MACROD2: variants seen among roughly 807,000 people sequenced by gnomAD.
MACROD2 encodes the protein ADP-ribose glycohydrolase MACROD2.
MACROD2 carries 36 observed loss-of-function variants against 70.4 expected under a neutral mutation model. The observed-to-expected ratio is 0.51, with a 90% CI of 0.39 to 0.68. The LOEUF is 0.68. MACROD2 is among the 30% of genes least tolerant of loss of function. MACROD2 has a pLI of 0.00. For missense variants in MACROD2, 496 were observed against 538.4 expected (o/e 0.92, Z 0.78); for synonymous variants, 172 against 178.8 (o/e 0.96, Z 0.30).
chr20:15,588,590 T>G (rs771237639), intron 8 of MACROD2, among the ~76,000 whole-genome samples: 1 of 152,236 alleles, frequency 6.6e-6, no homozygotes, highest in Non-Finnish European at 1.5e-5. Flanking sequence ...GTCACCTCTT[T>G]AATGCTTTTT....
chr20:15,861,532 A>G (rs1413514942), intron 8 of MACROD2, among the ~76,000 whole-genome samples: 1 of 152,178 alleles, frequency 6.6e-6, no homozygotes, highest in Non-Finnish European at 1.5e-5. Context: ...CATCCTTTGA[A>G]GGCAGTTATA....
intron 5 of MACROD2, among the ~76,000 whole-genome samples, chr20:15,175,195 G>T (rs986033095): frequency 1.0e-4 from 15 of 147,124 alleles, no homozygotes; most frequent in Non-Finnish European, 2.1e-4. Flanking sequence ...ACCAAACACC[G>T]CATATTGTCA....
Position 14,936,730 on chromosome 20 carries a change from C to T in MACROD2, c.418+251771C>T, listed in dbSNP as rs1204256266. Among the ~76,000 whole-genome samples the T allele has an allele frequency of 5.3e-5, 8 of 152,208 alleles. 1 individual carries two copies. In the East Asian group the frequency reaches 1.5e-3, roughly 29 times the overall value. On this transcript the variant is annotated intron_variant, in intron 5 of 17. Transcript: ENST00000684519. ...GCTAATTGGCTCCATGGTAAATTCA[C>T]CTGTGCCTGGCACTTGTCTTTAGAT... is the stretch of plus-strand genomic sequence containing the variant.
chr20:16,024,431 A>G (rs199554223), intron 15 of MACROD2, among the ~76,000 whole-genome samples: 1 of 152,280 alleles, frequency 6.6e-6, no homozygotes, highest in African/African-American at 2.4e-5. Context: ...TAAAAAATAC[A>G]ACTTCCTTCC....
intron 6 of MACROD2, among the ~76,000 whole-genome samples, chr20:15,335,152 A>C (rs1319729178): frequency 6.6e-6 from 1 of 151,894 alleles, no homozygotes; most frequent in South Asian, 2.1e-4. Context: ...CCTTCATCCA[A>C]TCCCTGATTG....
intron 3 of MACROD2, among the ~76,000 whole-genome samples, chr20:14,087,275 A>T (rs2054089378): frequency 6.6e-6 from 1 of 152,074 alleles, no homozygotes; most frequent in Non-Finnish European, 1.5e-5. Flanking sequence ...GAGTGCCTGT[A>T]GTCCCAGCTA....
At chr20:14,184,913 A>G (rs978694751) in intron 3 of MACROD2, among the ~76,000 whole-genome samples, 6 of 152,166 alleles carry the variant, frequency 3.9e-5, no homozygotes, top group African/African-American at 1.4e-4. Flanking sequence ...TATAAGCTTA[A>G]GAAGCTTTTG....
chr20:15,613,624 A>G (rs901829652), intron 8 of MACROD2, among the ~76,000 whole-genome samples: 4 of 152,254 alleles, frequency 2.6e-5, no homozygotes, highest in African/African-American at 9.6e-5. Flanking sequence ...AAAGCTATTT[A>G]TAATGACCTA....
At chr20:15,729,387 G>A (rs1315506246) in intron 8 of MACROD2, among the ~76,000 whole-genome samples, 1 of 152,176 alleles carries the variant, frequency 6.6e-6, no homozygotes, top group African/African-American at 2.4e-5. Context: ...GAGTTCTGTA[G>A]ATGTCTCTTA....
intron 5 of MACROD2, among the ~76,000 whole-genome samples, chr20:14,720,755 T>C (rs2071458620): frequency 6.6e-6 from 1 of 151,606 alleles, no homozygotes. Flanking sequence ...GGTTTCACCA[T>C]GTTGGCCAGG....
chr20:15,037,986 G>A (rs76873515), intron 5 of MACROD2, among the ~76,000 whole-genome samples: 1,540 of 152,156 alleles, frequency 0.01, 27 homozygotes, highest in African/African-American at 0.035. Flanking sequence ...CAATGGATGT[G>A]CCAGTTACCC....
chr20:14,267,238 A>G (rs546021213), intron 3 of MACROD2, among the ~76,000 whole-genome samples: 1 of 152,322 alleles, frequency 6.6e-6, no homozygotes, highest in South Asian at 2.1e-4. Context: ...TTTGGTAGAT[A>G]TTCATATCCC....
At chr20:15,083,677 TAGCACAATGAA>T (rs2075722571) in intron 5 of MACROD2, among the ~76,000 whole-genome samples, 1 of 152,104 alleles carries the variant, frequency 6.6e-6, no homozygotes, top group African/African-American at 2.4e-5. Flanking sequence ...GCAAAGCATG[TAGCACAATGAA>T]ACGCCATCTT....
intron 5 of MACROD2, among the ~76,000 whole-genome samples, chr20:15,136,822 G>A (rs541492431): frequency 4.7e-4 from 72 of 151,920 alleles, no homozygotes; most frequent in African/African-American, 1.7e-3. Context: ...ATCTTTCAAA[G>A]GGCTAATATC....
chr20:15,346,168 C>T (rs1199922480), intron 6 of MACROD2, among the ~76,000 whole-genome samples: 1 of 151,942 alleles, frequency 6.6e-6, no homozygotes, highest in Non-Finnish European at 1.5e-5. Flanking sequence ...CTCACTGCAT[C>T]CTCAAACTTC....
intron 4 of MACROD2, among the ~76,000 whole-genome samples, chr20:14,649,436 T>A (rs1985563791): frequency 6.6e-6 from 1 of 152,144 alleles, no homozygotes; most frequent in African/African-American, 2.4e-5. Flanking sequence ...CCGTTGCTTA[T>A]AGGAACAATC....
intron 8 of MACROD2, among the ~76,000 whole-genome samples, chr20:15,663,624 A>T (rs2049854651): frequency 8.2e-6 from 1 of 122,390 alleles, no homozygotes; most frequent in Non-Finnish European, 2.0e-5. Flanking sequence ...AACAGACAGA[A>T]AAAAAAAACC....
chr20:14,691,317 G>A (rs537440085), intron 5 of MACROD2, among the ~76,000 whole-genome samples: 1 of 152,322 alleles, frequency 6.6e-6, no homozygotes, highest in South Asian at 2.1e-4. Context: ...AGTTGATAAA[G>A]TTGAGACTAA....
intron 5 of MACROD2, among the ~76,000 whole-genome samples, chr20:15,152,345 AAG>A (rs2076276127): frequency 6.6e-6 from 1 of 151,650 alleles, no homozygotes; most frequent in African/African-American, 2.4e-5. Context: ...GCCCAGAGAA[AAG>A]AGAGTAGAGA....
Sources: gnomAD v4.1 joint callset for allele counts (sites outside exome capture counted in the v4.1 genomes callset) on GRCh38, gnomAD v4.1.1 for gene constraint, MANE v1.5 for transcripts, NCBI Gene and HGNC (gene_info 2026-07-23, HGNC 2026-07-21) for gene names.